BMAL1: variants seen among roughly 807,000 people sequenced by gnomAD.
BMAL1 encodes the protein basic helix-loop-helix ARNT-like protein 1.
At chr11:13,350,538 A>C in the BMAL1 span, among the ~76,000 whole-genome samples, 1 of 152,238 alleles carries the variant, frequency 6.6e-6, no homozygotes, top group Admixed American at 6.5e-5. Context: ...ACAGTATAGT[A>C]CTGTGATGGA....
the BMAL1 span, chr11:13,385,780 C>T: frequency 6.2e-7 from 1 of 1,610,666 alleles, no homozygotes; most frequent in Non-Finnish European, 8.5e-7. Context: ...TCTGATAGTT[C>T]TTCTATTCTT....
At chr11:13,349,329 G>A in the BMAL1 span, among the ~76,000 whole-genome samples, 3 of 152,198 alleles carry the variant, frequency 2.0e-5, no homozygotes, top group Non-Finnish European at 4.4e-5. Flanking sequence ...CATTGTTCTT[G>A]TTGTCTGGCT....
chr11:13,326,057 G>A, the BMAL1 span, among the ~76,000 whole-genome samples: 69 of 152,044 alleles, frequency 4.5e-4, no homozygotes, highest in African/African-American at 1.6e-3. Context: ...ACAAAAATTA[G>A]CTGGGTGTGG....
chr11:13,348,804 G>A, the BMAL1 span, among the ~76,000 whole-genome samples: 2 of 152,218 alleles, frequency 1.3e-5, no homozygotes, highest in Admixed American at 1.3e-4. Flanking sequence ...GGGAATGAAT[G>A]CCTTGGGAGG....
At chr11:13,383,227 G>A in the BMAL1 span, among the ~76,000 whole-genome samples, 1 of 152,192 alleles carries the variant, frequency 6.6e-6, no homozygotes, top group African/African-American at 2.4e-5. Flanking sequence ...GGTCGCAAGA[G>A]AGTACAGACA....
At chr11:13,381,496 G>A in the BMAL1 span, among the ~76,000 whole-genome samples, 99,290 of 152,110 alleles carry the variant, frequency 0.65, 33,229 homozygotes, top group South Asian at 0.76. Context: ...ATAAGGAATG[G>A]GGAACTGTCA....
the BMAL1 span, among the ~76,000 whole-genome samples, chr11:13,317,752 T>C: frequency 6.6e-6 from 1 of 152,226 alleles, no homozygotes; most frequent in Admixed American, 6.5e-5. Flanking sequence ...TACTTGACTG[T>C]TTTGTTTTTT....
At chr11:13,334,501 C>G in the BMAL1 span, among the ~76,000 whole-genome samples, 14 of 150,262 alleles carry the variant, frequency 9.3e-5, no homozygotes, top group South Asian at 3.0e-3. Context: ...AGCTTTAGAT[C>G]AAGGTGACAA....
the BMAL1 span, among the ~76,000 whole-genome samples, chr11:13,347,961 T>G: frequency 6.6e-6 from 1 of 151,954 alleles, no homozygotes; most frequent in East Asian, 1.9e-4. Flanking sequence ...AGGCACGAGA[T>G]CAGGCACAGG....
the BMAL1 span, chr11:13,385,940 C>T: frequency 2.9e-6 from 2 of 679,378 alleles, no homozygotes; most frequent in Non-Finnish European, 4.8e-6. Context: ...GTTTAAATCT[C>T]TAAAAAGTTG....
the BMAL1 span, among the ~76,000 whole-genome samples, chr11:13,317,914 T>A: frequency 6.6e-6 from 1 of 152,254 alleles, no homozygotes; most frequent in Non-Finnish European, 1.5e-5. Context: ...TGTGTTTTGT[T>A]CAGCACTCAT....
chr11:13,376,082 G>A, the BMAL1 span, among the ~76,000 whole-genome samples: 9 of 152,224 alleles, frequency 5.9e-5, no homozygotes, highest in African/African-American at 2.2e-4. Context: ...GTGGAGGAAG[G>A]GGTTGGCAAT....
At chr11:13,344,516 C>T in the BMAL1 span, among the ~76,000 whole-genome samples, 4 of 152,334 alleles carry the variant, frequency 2.6e-5, no homozygotes, top group Admixed American at 2.0e-4. Context: ...TAAGGACTGC[C>T]GATTTCTGTC....
the BMAL1 span, chr11:13,386,601 A>G: frequency 1.9e-6 from 3 of 1,612,016 alleles, no homozygotes; most frequent in Non-Finnish European, 2.5e-6. Flanking sequence ...CACAGGTGAG[A>G]ACCCCCACAT....
At chr11:13,303,902 C>T in the BMAL1 span, among the ~76,000 whole-genome samples, 7 of 152,070 alleles carry the variant, frequency 4.6e-5, no homozygotes, top group Non-Finnish European at 1.5e-5. Context: ...TGGTGTGTTG[C>T]AGCGAGTGAG....
At chr11:13,309,016 G>C in the BMAL1 span, among the ~76,000 whole-genome samples, 27 of 152,228 alleles carry the variant, frequency 1.8e-4, no homozygotes, top group Admixed American at 1.3e-4. Flanking sequence ...GGTTGAATAA[G>C]AATATGAATG....
At chr11:13,332,648 A>G in the BMAL1 span, among the ~76,000 whole-genome samples, 1 of 152,234 alleles carries the variant, frequency 6.6e-6, no homozygotes, top group Non-Finnish European at 1.5e-5. Context: ...CCAATTTTCA[A>G]AAGGCAGATT....
At chr11:13,298,354 G>T in the BMAL1 span, among the ~76,000 whole-genome samples, 1 of 152,130 alleles carries the variant, frequency 6.6e-6, no homozygotes, top group Non-Finnish European at 1.5e-5. Context: ...TGTATGGCTA[G>T]TTAGCTCACC....
At chr11:13,332,911 A>T in the BMAL1 span, among the ~76,000 whole-genome samples, 1 of 151,092 alleles carries the variant, frequency 6.6e-6, no homozygotes, top group African/African-American at 2.4e-5. Context: ...GGCAGACTTG[A>T]TCACTCTATA....
Sources: gnomAD v4.1 joint callset for allele counts (sites outside exome capture counted in the v4.1 genomes callset) on GRCh38, gnomAD v4.1.1 for gene constraint, MANE v1.5 for transcripts, NCBI Gene and HGNC (gene_info 2026-07-23, HGNC 2026-07-21) for gene names.